The following KAZN variants were observed in gnomAD, a reference collection of about 807,000 sequenced individuals.
KAZN encodes the protein kazrin, periplakin interacting protein.
Under a neutral mutation model 87.4 loss-of-function variants are expected in KAZN, and 40 were observed. The observed-to-expected ratio is 0.46, with a 90% CI of 0.36 to 0.60. The LOEUF (loss-of-function observed/expected upper bound fraction) is 0.60, where lower values mean the gene tolerates loss of function less well. KAZN is among the 20% of genes least tolerant of loss of function. The probability of loss-of-function intolerance (pLI) is 0.00; values close to 1 mark genes in which losing one functional copy is unlikely to be tolerated. For synonymous variants in KAZN, 466 were observed against 458.3 expected (o/e 1.02, Z -0.22); for missense variants, 898 against 1,073.9 (o/e 0.84, Z 2.29).
At chr1:13,960,693 C>T (rs1035826056) in intron 1 of KAZN, among the ~76,000 whole-genome samples, 1 of 152,192 alleles carries the variant, frequency 6.6e-6, no homozygotes, top group East Asian at 1.9e-4. Context: ...CCTACTTGGG[C>T]TAGTGTCTCC....
intron 2 of KAZN, among the ~76,000 whole-genome samples, chr1:14,239,376 G>T (rs1163363651): frequency 6.6e-6 from 1 of 150,584 alleles, no homozygotes; most frequent in Non-Finnish European, 1.5e-5. Flanking sequence ...CTGGGGACCT[G>T]AAATCTAAAG....
intron 1 of KAZN, among the ~76,000 whole-genome samples, chr1:14,075,109 A>G (rs1447098611): frequency 6.6e-6 from 1 of 152,230 alleles, no homozygotes; most frequent in African/African-American, 2.4e-5. Context: ...TATTTGGCTC[A>G]TATTGCTAAT....
At chr1:14,370,172 A>C (rs1660359164) in intron 2 of KAZN, among the ~76,000 whole-genome samples, 1 of 152,182 alleles carries the variant, frequency 6.6e-6, no homozygotes. Flanking sequence ...GAACTAGAGA[A>C]GACCAAGGCT....
At chr1:14,342,206 T>C (rs1393816462) in intron 2 of KAZN, among the ~76,000 whole-genome samples, 1 of 152,216 alleles carries the variant, frequency 6.6e-6, no homozygotes, top group East Asian at 1.9e-4. Flanking sequence ...GTGGTGTATG[T>C]GTACCATATT....
intron 1 of KAZN, among the ~76,000 whole-genome samples, chr1:13,921,198 T>C (rs544338408): frequency 2.0e-5 from 3 of 152,254 alleles, no homozygotes; most frequent in Non-Finnish European, 4.4e-5. Context: ...TTTGAAATGA[T>C]ATCTAAATGT....
chr1:14,019,288 T>C (rs965929529), intron 1 of KAZN, among the ~76,000 whole-genome samples: 1 of 152,072 alleles, frequency 6.6e-6, no homozygotes, highest in Admixed American at 6.6e-5. Flanking sequence ...TCAATTCCAA[T>C]ACCCTATGAT....
intron 1 of KAZN, among the ~76,000 whole-genome samples, chr1:14,626,581 C>T (rs575753470): frequency 6.6e-6 from 1 of 152,298 alleles, no homozygotes; most frequent in Admixed American, 6.5e-5. Context: ...CTCTCGTCCA[C>T]TTTCTCCAAG....
rs573966546 is a variant in KAZN, at chr1:13,895,301, T to G, written c.91+1545T>G. Reference sequence around the variant, plus strand: ...GGATTAGGTAGGAGGGCTCAGAAGCTTTCCTGGACTGAGGTTCCCTTGCCT... The same window carrying G: ...GGATTAGGTAGGAGGGCTCAGAAGCGTTCCTGGACTGAGGTTCCCTTGCCT... On this transcript the variant is annotated intron_variant, in intron 1 of 16. Transcript: ENST00000636203. Among the ~76,000 whole-genome samples the G allele has an allele frequency of 3.9e-5, 6 of 152,298 alleles. No homozygotes were observed. In the South Asian group the frequency reaches 1.2e-3, roughly 32 times the overall value.
chr1:14,384,141 C>G (rs944715576), intron 2 of KAZN, among the ~76,000 whole-genome samples: 4 of 150,410 alleles, frequency 2.7e-5, no homozygotes, highest in Admixed American at 2.6e-4. Context: ...TATAAGAATG[C>G]TTGTGATTTT....
chr1:14,971,259 A>G (rs376908453), intron 2 of KAZN, among the ~76,000 whole-genome samples: 23 of 152,180 alleles, frequency 1.5e-4, no homozygotes, highest in African/African-American at 5.1e-4. Context: ...TTAGCCAGGC[A>G]TGGTGGCGCG....
At chr1:14,208,619 C>G (rs1191047032) in intron 2 of KAZN, among the ~76,000 whole-genome samples, 1 of 152,118 alleles carries the variant, frequency 6.6e-6, no homozygotes, top group Non-Finnish European at 1.5e-5. Flanking sequence ...GAGTAAAGTG[C>G]CCTGAATGTC....
intron 1 of KAZN, among the ~76,000 whole-genome samples, chr1:14,938,843 A>G (rs1660744676): frequency 6.6e-6 from 1 of 152,222 alleles, no homozygotes; most frequent in African/African-American, 2.4e-5. Context: ...AATGAGAATG[A>G]TGGCACCCAT....
At chr1:14,602,307 G>A (rs964838985) in intron 1 of KAZN, among the ~76,000 whole-genome samples, 1 of 152,196 alleles carries the variant, frequency 6.6e-6, no homozygotes, top group Non-Finnish European at 1.5e-5. Context: ...AGAATTCCTG[G>A]CAGCCAGCCC....
At chr1:14,637,734 G>A (rs1280191243) in intron 1 of KAZN, among the ~76,000 whole-genome samples, 3 of 151,506 alleles carry the variant, frequency 2.0e-5, no homozygotes, top group Non-Finnish European at 1.5e-5. Context: ...GCTCTTGTGG[G>A]GACCTAAAAA....
intron 1 of KAZN, among the ~76,000 whole-genome samples, chr1:14,126,656 C>A (rs563017147): frequency 1.3e-5 from 2 of 151,938 alleles, no homozygotes; most frequent in Non-Finnish European, 2.9e-5. Context: ...TAAGGACAAT[C>A]AGAGAGGTGA....
At chr1:15,079,599 G>A (rs184706490) in intron 8 of KAZN, among the ~76,000 whole-genome samples, 48 of 152,238 alleles carry the variant, frequency 3.2e-4, no homozygotes, top group Non-Finnish European at 6.2e-4. Context: ...ACACGTGCCC[G>A]GCCTCTGCAT....
At chr1:14,622,046 G>C (rs1019679853) in intron 1 of KAZN, among the ~76,000 whole-genome samples, 2 of 152,162 alleles carry the variant, frequency 1.3e-5, no homozygotes, top group African/African-American at 4.8e-5. Flanking sequence ...CAGCTACTGA[G>C]GCAGCATCTC....
chr1:14,017,246 T>TAC (rs1309720178), intron 1 of KAZN, among the ~76,000 whole-genome samples: 1 of 152,168 alleles, frequency 6.6e-6, no homozygotes, highest in Non-Finnish European at 1.5e-5. Context: ...CTGCCATCCT[T>TAC]ACACCTACAC....
At chr1:14,913,512 T>C (rs895714055) in intron 1 of KAZN, among the ~76,000 whole-genome samples, 1 of 152,246 alleles carries the variant, frequency 6.6e-6, no homozygotes, top group Non-Finnish European at 1.5e-5. Context: ...ATTAGTCCCA[T>C]TGGGACTAGG....
Sources: gnomAD v4.1 joint callset for allele counts (sites outside exome capture counted in the v4.1 genomes callset) on GRCh38, gnomAD v4.1.1 for gene constraint, MANE v1.5 for transcripts, NCBI Gene and HGNC (gene_info 2026-07-23, HGNC 2026-07-21) for gene names.